The following PTPN1 variants were observed in gnomAD, a reference collection of about 807,000 sequenced individuals.
The protein encoded by PTPN1 is protein tyrosine phosphatase non-receptor type 1, also known as tyrosine-protein phosphatase non-receptor type 1.
A neutral mutation model predicts 59.9 loss-of-function variants in PTPN1; 12 were observed. The observed-to-expected ratio is 0.20, with a 90% CI of 0.13 to 0.32. The LOEUF (loss-of-function observed/expected upper bound fraction) is 0.32. Ranked by LOEUF, PTPN1 falls within the 10% of genes least tolerant of loss-of-function variation. The pLI is 1.00. For synonymous variants in PTPN1, 178 were observed against 203.6 expected, an observed-to-expected ratio of 0.87 and a Z score of 1.07; for missense variants, 356 against 549.2, an observed-to-expected ratio of 0.65 and a Z score of 3.52.
intron 1 of PTPN1, among the ~76,000 whole-genome samples, chr20:50,541,036 C>T (rs896581588): frequency 3.3e-5 from 5 of 152,124 alleles, no homozygotes; most frequent in African/African-American, 4.8e-5. Context: ...TACTACATTC[C>T]GTCTCAGGAA....
intron 4 of PTPN1, chr20:50,571,745 T>G (rs1240390039): frequency 5.9e-5 from 9 of 152,198 alleles, no homozygotes; most frequent in Non-Finnish European, 1.0e-4. Flanking sequence ...CTGGTTCTGT[T>G]TAAGGATTGA....
chr20:50,578,321 A>C, intron 5 of PTPN1, 99 bp from the exon 6 acceptor site: 1 of 958,430 alleles, frequency 1.0e-6, no homozygotes, highest in Non-Finnish European at 1.6e-6. Flanking sequence ...TGTTCCTCTT[A>C]GAGGTAGAGA....
chr20:50,559,855 CA>C (rs2082743746), intron 1 of PTPN1, among the ~76,000 whole-genome samples: 1 of 149,334 alleles, frequency 6.7e-6, no homozygotes, highest in South Asian at 2.1e-4. Context: ...TTGTTTCCCC[CA>C]AGGGTTTTTT....
intron 3 of PTPN1, among the ~76,000 whole-genome samples, chr20:50,567,762 T>A (rs1246595790): frequency 6.6e-6 from 1 of 152,250 alleles, no homozygotes; most frequent in Non-Finnish European, 1.5e-5. Flanking sequence ...ATGGAGGCTG[T>A]CTGCCGTCAG....
intron 4 of PTPN1, 159 bp from the exon 5 acceptor site, chr20:50,574,358 C>A (rs551261413): frequency 2.8e-6 from 2 of 707,818 alleles, no homozygotes; most frequent in East Asian, 3.4e-5. Flanking sequence ...CCACCCCCAT[C>A]TCCCCATGAG....
chr20:50,579,396 T>A (rs1454860493), intron 7 of PTPN1, 67 bp downstream of exon 7: 2 of 1,541,962 alleles, frequency 1.3e-6, no homozygotes, highest in East Asian at 2.3e-5. Context: ...AAGGAGGCTG[T>A]CAGTTGTAAA....
chr20:50,573,426 C>G (rs182493911), intron 4 of PTPN1: 1 of 152,454 alleles, frequency 6.6e-6, no homozygotes, highest in Non-Finnish European at 1.5e-5. Flanking sequence ...GCTGCATGTC[C>G]GTAGCATTTC....
At chr20:50,534,565 C>T (rs546942975) in intron 1 of PTPN1, among the ~76,000 whole-genome samples, 5 of 151,994 alleles carry the variant, frequency 3.3e-5, no homozygotes, top group African/African-American at 1.2e-4. Context: ...TTTTCTTTTG[C>T]TGTATTGAGA....
chr20:50,530,508 G>A (rs1161366037), intron 1 of PTPN1, among the ~76,000 whole-genome samples: 3 of 150,752 alleles, frequency 2.0e-5, no homozygotes, highest in Non-Finnish European at 3.0e-5. Context: ...ACAGGCACAT[G>A]CCACCATGCC....
chr20:50,515,204 A>G (rs1568771363), intron 1 of PTPN1, among the ~76,000 whole-genome samples: 2 of 152,114 alleles, frequency 1.3e-5, no homozygotes. Flanking sequence ...CTTCCCTCCT[A>G]TGTGGCTTCC....
intron 1 of PTPN1, among the ~76,000 whole-genome samples, chr20:50,549,589 T>G (rs2082693177): frequency 6.6e-6 from 1 of 152,174 alleles, no homozygotes. Flanking sequence ...GTTTTGCCCC[T>G]TCCTCCCCTC....
chr20:50,527,284 C>T (rs1158360243), intron 1 of PTPN1, among the ~76,000 whole-genome samples: 1 of 152,146 alleles, frequency 6.6e-6, no homozygotes, highest in Non-Finnish European at 1.5e-5. Flanking sequence ...GTTCATCTTC[C>T]AGTCACTCTG....
At chr20:50,561,223 T>C (rs2082750947) in intron 1 of PTPN1, 140 bp from the exon 2 acceptor site, 3 of 640,950 alleles carry the variant, frequency 4.7e-6, no homozygotes, top group Non-Finnish European at 8.0e-6. Context: ...CCTCCTCGGT[T>C]TTCCCCCATG....
chr20:50,578,422 C>A lies in PTPN1; in HGVS notation c.495C>A (p.Thr165=), dbSNP rs2082847703. ...VRQLELENLT[T]QETREILHFH... ...TCATGAGTATTTTTCTCTTTCAGACCCAAGAAACTCGAGAGATCTTACATT... is the reference window on the plus strand; with the variant it reads ...TCATGAGTATTTTTCTCTTTCAGACACAAGAAACTCGAGAGATCTTACATT... Residue 165 remains threonine (T), a splice_region_variant and synonymous_variant, in exon 6 of 10, where the codon ACC becomes ACA. Transcript: ENST00000371621. The A allele has an allele frequency of 1.2e-6, 2 of 1,612,894 alleles. No individual in the cohort carries two copies. Among genetic ancestry groups the A allele is most frequent in the African/African-American group, 1.3e-5 (1 of 74,996 alleles).
At position 50,568,058 on chromosome 20, in the gene PTPN1, C is replaced by G. The variant is rs991685164; in HGVS notation, c.256-322C>G. Among the ~76,000 whole-genome samples, 1 of 152,220 alleles carries G rather than the reference C, an allele frequency of 6.6e-6. No homozygotes were observed. The highest frequency in any genetic ancestry group is 1.5e-5 in the Non-Finnish European group (1 of 68,042). On this transcript the variant is annotated intron_variant, in intron 3 of 9. Coordinates refer to ENST00000371621, the MANE Select transcript of PTPN1 (RefSeq NM_002827.4). This position sits in a 1 kb window ranked among gnomAD's most constrained non-coding sequence, Gnocchi z 5.6. Reference sequence around the variant, plus strand: ...GCACCAAGGAGTTTTGTCCCATAGCCCAAGGGCCTTGGGGACGAATCTCAG... The same window carrying G: ...GCACCAAGGAGTTTTGTCCCATAGCGCAAGGGCCTTGGGGACGAATCTCAG...
intron 2 of PTPN1, 127 bp downstream of exon 2, chr20:50,561,580 T>G (rs1196295861): frequency 3.5e-6 from 2 of 566,852 alleles, no homozygotes; most frequent in Non-Finnish European, 6.0e-6. Context: ...ATGACGCGAT[T>G]GTTTCCTATA....
intron 1 of PTPN1, among the ~76,000 whole-genome samples, chr20:50,530,915 G>C (rs1215363868): frequency 1.3e-5 from 2 of 151,868 alleles, no homozygotes; most frequent in Non-Finnish European, 2.9e-5. Context: ...TTTTGCCCAG[G>C]CTAGTCTACA....
chr20:50,581,559 C>T, intron 9 of PTPN1, 99 bp downstream of exon 9: 1 of 1,306,118 alleles, frequency 7.7e-7, no homozygotes, highest in Non-Finnish European at 1.0e-6. Context: ...TGCATCTGAG[C>T]CAGTCTCAGA....
In PTPN1 at chr20:50,584,868, G is replaced by A. The variant is rs2122816383; in HGVS notation, c.*2153G>A. ...GATGTGAAACAGATGTTGTCAATCA[G>A]CTGGGGTTAGAGTTTTCCACTTCTA... is the stretch of plus-strand genomic sequence containing the variant. On this transcript the variant is annotated 3_prime_UTR_variant, in exon 10 of 10. Transcript: ENST00000371621. The A allele has an allele frequency of 6.6e-6, 1 of 152,280 alleles. No homozygotes were observed. Among genetic ancestry groups the A allele is most frequent in the South Asian group, 2.1e-4 (1 of 4,826 alleles). The allele number at this position is 152,280 out of a possible 1,614,324, so 9.4% of individuals were successfully genotyped here.
Sources: gnomAD v4.1 joint callset for allele counts (sites outside exome capture counted in the v4.1 genomes callset) on GRCh38, gnomAD v4.1.1 for gene constraint, Gnocchi (gnomAD v3.1) non-coding constraint, MANE v1.5 for transcripts, NCBI Gene and HGNC (gene_info 2026-07-23, HGNC 2026-07-21) for gene names.